The following RPL18 variants were observed in gnomAD, a reference collection of about 807,000 sequenced individuals.
RPL18 encodes the protein large ribosomal subunit protein eL18.
RPL18 carries 4 observed loss-of-function variants against 25.0 expected under a neutral mutation model. That is an observed-to-expected ratio of 0.16 (90% CI 0.08 to 0.37). The LOEUF is 0.37. RPL18 is among the 10% of genes least tolerant of loss of function. The probability of loss-of-function intolerance (pLI) is 1.00; values close to 1 mark genes in which losing one functional copy is unlikely to be tolerated. For missense variants in RPL18, 179 were observed against 267.9 expected, an observed-to-expected ratio of 0.67 and a Z score of 2.32; for synonymous variants, 129 against 101.6, an observed-to-expected ratio of 1.27 and a Z score of -1.62.
intron 4 of RPL18, 143 bp from the exon 5 acceptor site, chr19:48,616,345 G>T: frequency 1.0e-6 from 1 of 983,930 alleles, no homozygotes; most frequent in Non-Finnish European, 1.5e-6. Context: ...TGGGCTGACA[G>T]CAGCAGTTCT....
At chr19:48,616,387 C>T (rs984495219) in intron 4 of RPL18, 185 bp from the exon 5 acceptor site, 4 of 698,710 alleles carry the variant, frequency 5.7e-6, no homozygotes, top group Non-Finnish European at 9.5e-6. Context: ...CACCACATCC[C>T]TGGTGTTATG....
chr19:48,618,574 C>G (rs2147660168), intron 1 of RPL18: 1 of 161,322 alleles, frequency 6.2e-6, no homozygotes, highest in East Asian at 1.8e-4. Flanking sequence ...TGCAAAACCC[C>G]GTGATGAGCA....
At chr19:48,617,193 G>A (rs771216664) in intron 3 of RPL18, 123 bp downstream of exon 3, 3 of 832,334 alleles carry the variant, frequency 3.6e-6, no homozygotes, top group South Asian at 1.3e-5. Flanking sequence ...CTACGCTCGC[G>A]ACTGGCTGAG....
At chr19:48,618,933 C>T (rs1974281736) in intron 1 of RPL18, 1 of 586,892 alleles carries the variant, frequency 1.7e-6, no homozygotes. Context: ...CCTCCGAGTA[C>T]CTCCACTTGG....
At chr19:48,617,006 AT>A in intron 3 of RPL18, 182 bp from the exon 4 acceptor site, 1 of 702,690 alleles carries the variant, frequency 1.4e-6, no homozygotes, top group Non-Finnish European at 2.6e-6. Context: ...AAAAAAAAAA[AT>A]GCAGACTGTT....
chr19:48,618,987 TG>T (rs1285717692), intron 1 of RPL18, 153 bp downstream of exon 1: 4 of 766,818 alleles, frequency 5.2e-6, no homozygotes, highest in Non-Finnish European at 8.8e-6. Context: ...GACCCATCCC[TG>T]CTTTCCTGGC....
Position 48,615,458 on chromosome 19 carries a change from AG to A in RPL18, c.492-12del. On this transcript the variant is annotated splice_polypyrimidine_tract_variant and intron_variant, in intron 6 of 6. Transcript: ENST00000549920. ...GAGCGGACGTAGGGTCTGTGGGGAG[AG>A]GAGGGAGTGAGAGGGGGGCCCTCTT... is the stretch of plus-strand genomic sequence containing the variant. 1 of 1,607,324 alleles carries A rather than the reference AG, an allele frequency of 6.2e-7. No individual in the cohort carries two copies. The highest frequency in any genetic ancestry group is 2.2e-5 in the East Asian group (1 of 44,712).
At position 48,615,357 on chromosome 19, in the gene RPL18, G is replaced by C. The variant is rs1276342067; in HGVS notation, c.*15C>G. On this transcript the variant is annotated 3_prime_UTR_variant, in exon 7 of 7. Transcript: ENST00000549920. ...GTCAGCAAAAATCTTTTTAATAAGAGAGTAGGATCCAGGGTTAGTTTTTGT... is the reference window on the plus strand; with the variant it reads ...GTCAGCAAAAATCTTTTTAATAAGACAGTAGGATCCAGGGTTAGTTTTTGT... The C allele has an allele frequency of 1.9e-6, 3 of 1,597,366 alleles. No individual in the cohort carries two copies. Among genetic ancestry groups the C allele is most frequent in the Non-Finnish European group, 2.6e-6 (3 of 1,168,674 alleles).
chr19:48,617,158 T>G, intron 3 of RPL18, 158 bp downstream of exon 3: 1 of 761,998 alleles, frequency 1.3e-6, no homozygotes. Flanking sequence ...CCATGGACAC[T>G]CAGTTCCAAC....
chr19:48,615,807 C>G (rs1454883224), intron 6 of RPL18, 70 bp downstream of exon 6: 1 of 1,388,132 alleles, frequency 7.2e-7, no homozygotes, highest in Non-Finnish European at 1.0e-6. Flanking sequence ...AGAAGCAGCC[C>G]AAGTGTGGCC....
At chr19:48,616,994 A>AC (rs1555739426) in intron 3 of RPL18, 170 bp from the exon 4 acceptor site, 3 of 700,880 alleles carry the variant, frequency 4.3e-6, no homozygotes, top group Non-Finnish European at 7.8e-6. Flanking sequence ...AAAGCTCCAG[A>AC]TAAAAAAAAA....
At chr19:48,616,930 C>CA in intron 3 of RPL18, 106 bp from the exon 4 acceptor site, 1 of 798,866 alleles carries the variant, frequency 1.3e-6, no homozygotes, top group African/African-American at 1.7e-5. Context: ...CGGGACCCCC[C>CA]ACTCACACCA....
In RPL18 at chr19:48,615,451, TG is replaced by T. The variant is rs1974138619; in HGVS notation, c.492-5del. On this transcript the variant is annotated splice_region_variant and splice_polypyrimidine_tract_variant and intron_variant, in intron 6 of 6. Transcript: ENST00000549920. ...GCCCTTGGAGCGGACGTAGGGTCTG[TG>T]GGGAGAGGAGGGAGTGAGAGGGGGG... The T allele has an allele frequency of 6.2e-7, 1 of 1,610,384 alleles. No individual in the cohort carries two copies. The highest frequency in any genetic ancestry group is 8.5e-7 in the Non-Finnish European group (1 of 1,178,080).
Position 48,617,982 on chromosome 19 carries a change from C to A in RPL18, c.4-105G>T, listed in dbSNP as rs147524768. The A allele has an allele frequency of 1.6e-5, 13 of 825,282 alleles. No individual in the cohort carries two copies. The African/African-American group carries it at 2.2e-4, about 14-fold the overall frequency. The allele number at this position is 825,282 out of a possible 1,614,324, so 51.1% of individuals were successfully genotyped here. ...TGGGACACAAGCCCAGGTCTGAACA[C>A]ACCAGCTCAAATCCCAGGCCCACCA... On this transcript the variant is annotated intron_variant, in intron 1 of 6. Transcript: ENST00000549920.
chr19:48,617,266 A>G, intron 3 of RPL18, 50 bp downstream of exon 3: 1 of 1,415,762 alleles, frequency 7.1e-7, no homozygotes, highest in Non-Finnish European at 1.0e-6. Context: ...CCAGACAGAC[A>G]AGACCCAGCG....
At chr19:48,617,059 G>A (rs1390120638) in intron 3 of RPL18, 1 of 702,600 alleles carries the variant, frequency 1.4e-6, no homozygotes, top group Non-Finnish European at 2.6e-6. Flanking sequence ...ATAAAACTCA[G>A]TTATGACTTG....
intron 2 of RPL18, 41 bp downstream of exon 2, chr19:48,617,750 C>G: frequency 6.6e-7 from 1 of 1,508,150 alleles, no homozygotes; most frequent in South Asian, 1.1e-5. Context: ...CAAGTCAGAC[C>G]TGGGGTGACC....
intron 5 of RPL18, 31 bp downstream of exon 5, chr19:48,616,048 A>G (rs1974159349): frequency 8.7e-6 from 14 of 1,613,962 alleles, no homozygotes; most frequent in Non-Finnish European, 1.1e-5. Flanking sequence ...CACACAGCTC[A>G]GTCCAAACCC....
chr19:48,616,847 T>A (rs377105052), intron 3 of RPL18, 23 bp from the exon 4 acceptor site: 29 of 1,571,178 alleles, frequency 1.8e-5, no homozygotes, highest in Middle Eastern at 3.9e-4. Flanking sequence ...AGGATGTACG[T>A]CGTAAGTTGT....
Sources: gnomAD v4.1 joint callset for allele counts on GRCh38, gnomAD v4.1.1 for gene constraint, MANE v1.5 for transcripts, NCBI Gene and HGNC (gene_info 2026-07-23, HGNC 2026-07-21) for gene names.